The following TACC2 variants were observed in gnomAD, a reference collection of about 807,000 sequenced individuals.
TACC2 encodes transforming acidic coiled-coil-containing protein 2.
TACC2 carries 137 observed loss-of-function variants against 227.3 expected under a neutral mutation model. The observed-to-expected ratio is 0.60, with a 90% CI of 0.52 to 0.69. TACC2 has a LOEUF of 0.69. Among genes scored for constraint, TACC2 ranks in the 30% least tolerant of loss-of-function variants. The pLI is 0.00. For synonymous variants in TACC2, 1,523 were observed against 1,487.5 expected (o/e 1.02, Z -0.55); for missense variants, 3,470 against 3,694.4 (o/e 0.94, Z 1.57).
At chr10:122,061,285 CAA>C (rs58324245) in intron 3 of TACC2, among the ~76,000 whole-genome samples, 6 of 87,100 alleles carry the variant, frequency 6.9e-5, no homozygotes, top group African/African-American at 2.3e-4. Flanking sequence ...CACTCCGTCT[CAA>C]AAAAAAAAAA....
intron 22 of TACC2, among the ~76,000 whole-genome samples, chr10:122,252,129 T>C (rs2096265455): frequency 6.6e-6 from 1 of 152,236 alleles, no homozygotes; most frequent in Admixed American, 6.5e-5. Flanking sequence ...CGGGAATCAC[T>C]TTCTAACGGG....
chr10:122,211,673 C>A lies in TACC2; in HGVS notation c.7248C>A (p.Asn2416Lys). The change falls in exon 9 of 23, where the codon AAC becomes AAA. Residue 2416 changes from asparagine to lysine, a missense_variant. Around this residue, in one of 10 missense-constraint regions of TACC2, gnomAD observed 593 missense variants for 636.6 expected, o/e 0.93. Transcript: ENST00000369005. ...ATGGAGTGGACGGGGATGGGCTAAA[C>A]AAGCCCGCCAAGAAGAAGAAGACGC... is the stretch of plus-strand genomic sequence containing the variant. ...EANGVDGDGL[N>K]KPAKKKKTPL... is the part of the protein sequence containing the mutation. The A allele has an allele frequency of 6.4e-7, 1 of 1,569,492 alleles. No individual in the cohort carries two copies. The highest frequency in any genetic ancestry group is 1.4e-5 in the African/African-American group (1 of 72,560).
intron 2 of TACC2, among the ~76,000 whole-genome samples, chr10:122,033,371 T>C (rs1959188876): frequency 6.6e-6 from 1 of 152,206 alleles, no homozygotes; most frequent in African/African-American, 2.4e-5. Flanking sequence ...TTAGTGTGCC[T>C]GTCCAAGAAC....
intron 6 of TACC2, among the ~76,000 whole-genome samples, chr10:122,142,164 TTTCCTAGGTCGTTA>T: frequency 6.6e-6 from 1 of 152,230 alleles, no homozygotes; most frequent in East Asian, 1.9e-4. Flanking sequence ...TGCTCTGGGC[TTTCCTAGGTCGTTA>T]TTTCTTGGGC....
chr10:122,126,160 T>C (rs567979087), intron 5 of TACC2, among the ~76,000 whole-genome samples: 1 of 152,258 alleles, frequency 6.6e-6, no homozygotes, highest in South Asian at 2.1e-4. Flanking sequence ...ACCATTAAGG[T>C]TTCTTCCATG....
At chr10:122,228,188 G>T (rs1234592501) in intron 14 of TACC2, among the ~76,000 whole-genome samples, 180 bp downstream of exon 14, 1 of 152,204 alleles carries the variant, frequency 6.6e-6, no homozygotes, top group Non-Finnish European at 1.5e-5. Flanking sequence ...ATGAGGGGAA[G>T]GTTCTCTATT....
At chr10:122,191,543 T>C (rs2140475205) in intron 7 of TACC2, among the ~76,000 whole-genome samples, 1 of 152,174 alleles carries the variant, frequency 6.6e-6, no homozygotes, top group South Asian at 2.1e-4. Flanking sequence ...CAAAATCTCA[T>C]AGTGTTTTAA....
In TACC2 at chr10:122,085,479, T is replaced by C; in HGVS notation, c.2979T>C (p.Ser993=). 6.2e-7 allele frequency: 1 copy of C among 1,613,692 alleles called. No individual in the cohort carries two copies. The highest frequency in any genetic ancestry group is 1.7e-5 in the Admixed American group (1 of 60,018). Residue 993 remains serine (S), a synonymous_variant, in exon 4 of 23, where the codon TCT becomes TCC. Transcript: ENST00000369005. The part of the protein sequence containing the change: ...TCCTGQGPNK[S]QQALADALEE... ...GCACTGGGCAGGGGCCAAACAAGTC[T>C]CAACAGGCATTGGCTGATGCCTTGG...
At chr10:122,163,275 G>C (rs934130400) in intron 7 of TACC2, among the ~76,000 whole-genome samples, 4 of 152,042 alleles carry the variant, frequency 2.6e-5, no homozygotes, top group Non-Finnish European at 5.9e-5. Flanking sequence ...TCCTGGGCCG[G>C]GAGAGACCAT....
chr10:122,017,845 G>GAAAAGAAAAAGA (rs1211181772), intron 1 of TACC2, among the ~76,000 whole-genome samples: 2 of 126,536 alleles, frequency 1.6e-5, no homozygotes, highest in East Asian at 4.7e-4. Context: ...AAAAGACAAA[G>GAAAAGAAAAAGA]AAAAGAAAAA....
At chr10:122,231,252 A>T (rs1589788571) in intron 16 of TACC2, among the ~76,000 whole-genome samples, 2 of 152,186 alleles carry the variant, frequency 1.3e-5, no homozygotes, top group East Asian at 3.9e-4. Flanking sequence ...TTGCCCCTGG[A>T]CTGCCCATGC....
At chr10:122,178,935 C>A (rs2093856051) in intron 7 of TACC2, among the ~76,000 whole-genome samples, 1 of 152,112 alleles carries the variant, frequency 6.6e-6, no homozygotes, top group Admixed American at 6.5e-5. Context: ...CATTACAATT[C>A]CAAGTGAAAC....
At chr10:122,195,228 G>A (rs764753893) in intron 8 of TACC2, 52 bp downstream of exon 8, 1 of 1,513,886 alleles carries the variant, frequency 6.6e-7, no homozygotes, top group South Asian at 1.3e-5. Context: ...TGTGAGCCCT[G>A]GGGGAGATTT....
At chr10:122,217,053 C>G (rs995968651) in intron 11 of TACC2, 9 of 839,738 alleles carry the variant, frequency 1.1e-5, no homozygotes, top group Non-Finnish European at 1.6e-5. Context: ...TAAGAGCCAG[C>G]ACGGTGCCCT....
intron 18 of TACC2, 57 bp downstream of exon 18, chr10:122,238,094 T>A: frequency 7.1e-7 from 1 of 1,408,494 alleles, no homozygotes; most frequent in Non-Finnish European, 1.0e-6. Flanking sequence ...TGTGGTTTAA[T>A]AATGACCGGA....
Position 122,084,452 on chromosome 10 carries a change from C to A in TACC2, c.1952C>A (p.Thr651Lys). 2 of 1,613,004 alleles carry A rather than the reference C, an allele frequency of 1.2e-6. No homozygotes were observed. The highest frequency in any genetic ancestry group is 2.7e-5 in the African/African-American group (2 of 75,062). ...CACACGGACGGGCCCCACTCTCAGA[C>A]AGCAGAGGCTGATGCATCTGGCCTA... is the stretch of plus-strand genomic sequence containing the variant. ...AGHTDGPHSQ[T>K]AEADASGLPH... is the part of the protein sequence containing the mutation. Residue 651 changes from threonine to lysine, a missense_variant, in exon 4 of 23, where the codon ACA (threonine) becomes AAA (lysine). Thr to Lys is a moderately conservative substitution (Grantham distance 78, BLOSUM62 -1). Transcript: ENST00000369005.
At chr10:122,043,711 C>T (rs2074633260) in intron 2 of TACC2, among the ~76,000 whole-genome samples, 1 of 152,070 alleles carries the variant, frequency 6.6e-6, no homozygotes, top group African/African-American at 2.4e-5. Context: ...TCCTGAGTAG[C>T]TGGGACTACA....
At chr10:122,226,345 A>G (rs1265615710) in intron 12 of TACC2, 21 bp from the exon 13 acceptor site, 7 of 1,569,732 alleles carry the variant, frequency 4.5e-6, no homozygotes, top group Admixed American at 1.7e-5. Context: ...CCAAGCTGAT[A>G]TGTGATTTTG....
At chr10:122,235,223 G>C (rs2095835467) in intron 16 of TACC2, among the ~76,000 whole-genome samples, 2 of 152,160 alleles carry the variant, frequency 1.3e-5, no homozygotes, top group Non-Finnish European at 2.9e-5. Context: ...CAGTAGCTGG[G>C]ATTACAGGCA....
Sources: gnomAD v4.1 joint callset for allele counts (sites outside exome capture counted in the v4.1 genomes callset) on GRCh38, gnomAD v4.1.1 for gene constraint, gnomAD v4.1.1 regional missense constraint, MANE v1.5 for transcripts, NCBI Gene and HGNC (gene_info 2026-07-23, HGNC 2026-07-21) for gene names.